PLB1: variants seen among roughly 807,000 people sequenced by gnomAD.
PLB1 encodes the protein phospholipase B1, membrane-associated.
In PLB1, 242 loss-of-function variants were observed where a neutral mutation model predicts 227.4. That is an observed-to-expected ratio of 1.06 (90% CI 0.96 to 1.18). PLB1 has a LOEUF of 1.18. Among genes scored for constraint, PLB1 ranks in the 50% most tolerant of loss-of-function variants. The pLI is 0.00. For synonymous variants in PLB1, 757 were observed against 682.2 expected (o/e 1.11, Z -1.71); for missense variants, 1,858 against 1,816.3 (o/e 1.02, Z -0.42).
chr2:28,545,630 G>A (rs1010695508), intron 14 of PLB1, among the ~76,000 whole-genome samples: 4 of 152,160 alleles, frequency 2.6e-5, no homozygotes, highest in South Asian at 4.1e-4. Context: ...AGCACCCAAG[G>A]GTTTGTGAAA....
In PLB1 at chr2:28,601,937, C is replaced by T. The variant is rs769715224; in HGVS notation, c.2646C>T (p.Arg882=). 1.2e-6 allele frequency: 2 copies of T among 1,611,740 alleles called. No individual in the cohort carries two copies. The highest frequency in any genetic ancestry group is 2.2e-5 in the East Asian group (1 of 44,830). The change falls in exon 38 of 58, where the codon CGC becomes CGT. Residue 882 remains arginine, a synonymous_variant. Transcript: ENST00000327757. ...CAGCCAACTTTGTTCACCATCTCCGCAATGCCTTGGACGTCCTGCATAGAG... is the reference window on the plus strand; with the variant it reads ...CAGCCAACTTTGTTCACCATCTCCGTAATGCCTTGGACGTCCTGCATAGAG... The part of the protein sequence containing the change: ...YSAANFVHHL[R]NALDVLHREV...
At chr2:28,601,463 C>A in intron 37 of PLB1, 131 bp downstream of exon 37, 1 of 653,428 alleles carries the variant, frequency 1.5e-6, no homozygotes, top group Non-Finnish European at 2.7e-6. Context: ...TGCACATATA[C>A]ACATACCACA....
rs765337593 is a variant in PLB1 at position 28,632,043 on chromosome 2, T to C, written c.3905T>C (p.Ile1302Thr). Reference sequence around the variant, plus strand: ...TTCTCTCTCTGTCCCCAGCATGGCATCTCCAGTTTCTCCTACTGGCACCAA... The same window carrying C: ...TTCTCTCTCTGTCCCCAGCATGGCACCTCCAGTTTCTCCTACTGGCACCAA... ...KKVNWNLQHG[I>T]SSFSYWHQYT... The change falls in exon 55 of 58, where the codon ATC (isoleucine) becomes ACC (threonine). Residue 1302 changes from isoleucine to threonine, a missense_variant. Physicochemically the swap from Ile to Thr is moderately conservative, Grantham distance 89. Coordinates refer to ENST00000327757, the MANE Select transcript of PLB1 (RefSeq NM_153021.5). 5 of 1,613,680 alleles carry C rather than the reference T, an allele frequency of 3.1e-6. No individual in the cohort carries two copies. In the South Asian group the frequency reaches 5.5e-5, roughly 18 times the overall value.
At chr2:28,574,756 G>A (rs976917886) in intron 21 of PLB1, among the ~76,000 whole-genome samples, 1 of 152,064 alleles carries the variant, frequency 6.6e-6, no homozygotes, top group South Asian at 2.1e-4. Context: ...TTATAAGTGA[G>A]AACATACAAT....
rs1236281536 is a variant in PLB1, at chr2:28,615,597, C to T, written c.3195+1501C>T. On this transcript the variant is annotated intron_variant, in intron 44 of 57. Transcript: ENST00000327757. Reference sequence around the variant, plus strand: ...CAGCCTCTCTGAATTTTCTCAGGCTCACGTTAGCCCAGTGGAGGCTTGTCC... The same window carrying T: ...CAGCCTCTCTGAATTTTCTCAGGCTTACGTTAGCCCAGTGGAGGCTTGTCC... 8.5e-5 allele frequency among the ~76,000 whole-genome samples: 13 copies of T among 152,348 alleles called. No individual in the cohort carries two copies. The East Asian group carries it at 2.5e-3, about 29-fold the overall frequency.
chr2:28,582,343 C>G lies in PLB1; in HGVS notation c.1633-62C>G, dbSNP rs72863351. ...AAACTTCAGCAGGAGGAGCAGGCCC[C>G]AAACCGAGGTGAAAGGCTGCCCAGC... On this transcript the variant is annotated intron_variant, in intron 24 of 57. Coordinates refer to ENST00000327757, the MANE Select transcript of PLB1 (RefSeq NM_153021.5). 1.0e-3 allele frequency: 1,502 copies of G among 1,469,210 alleles called. 10 individuals are homozygous for G. The African/African-American group carries it at 0.017, about 17-fold the overall frequency. 91.0% of individuals were successfully genotyped at this position (1,469,210 alleles called of 1,614,324 possible).
intron 1 of PLB1, among the ~76,000 whole-genome samples, chr2:28,504,199 T>TCTCTACCA (rs1667400424): frequency 6.6e-6 from 1 of 152,218 alleles, no homozygotes; most frequent in Non-Finnish European, 1.5e-5. Context: ...TCTCTTCACC[T>TCTCTACCA]CTCTACCAAC....
intron 44 of PLB1, 142 bp downstream of exon 44, chr2:28,614,238 G>T: frequency 5.9e-6 from 5 of 843,634 alleles, no homozygotes; most frequent in Non-Finnish European, 7.8e-6. Context: ...TACAGAAAAG[G>T]CTCCCGGACC....
intron 14 of PLB1, chr2:28,548,465 G>A (rs898730308): frequency 1.6e-5 from 7 of 440,872 alleles, no homozygotes; most frequent in Admixed American, 2.7e-5. Flanking sequence ...ATTGCTAGAT[G>A]TTTGGTTGGA....
intron 52 of PLB1, 138 bp downstream of exon 52, chr2:28,628,766 C>A (rs1411586072): frequency 3.6e-6 from 3 of 843,656 alleles, no homozygotes; most frequent in African/African-American, 1.7e-5. Context: ...AGGGAGGTGG[C>A]TGTCAAGCTC....
chr2:28,622,875 A>G lies in PLB1; in HGVS notation c.3527+1897A>G, dbSNP rs545541250. Among the ~76,000 whole-genome samples, 9 of 152,340 alleles carry G rather than the reference A, an allele frequency of 5.9e-5. No homozygotes were observed. The South Asian group carries it at 1.9e-3, about 32-fold the overall frequency. On this transcript the variant is annotated intron_variant, in intron 49 of 57. Coordinates refer to ENST00000327757, the MANE Select transcript of PLB1 (RefSeq NM_153021.5). Reference sequence around the variant, plus strand: ...CACTCCAGCCCGGATAACAAGAATGAATCTCCATCTCCAAAAATAATAATA... The same window carrying G: ...CACTCCAGCCCGGATAACAAGAATGGATCTCCATCTCCAAAAATAATAATA...
At position 28,643,879 on chromosome 2, in the gene PLB1, TAGAG is replaced by T. The variant is rs1246758509; in HGVS notation, c.*823_*826del. 1 of 152,216 alleles carries T rather than the reference TAGAG, an allele frequency of 6.6e-6. No homozygotes were observed. Among genetic ancestry groups the T allele is most frequent in the Non-Finnish European group, 1.5e-5 (1 of 68,026 alleles). 9.4% of individuals were successfully genotyped at this position (152,216 alleles called of 1,614,324 possible). ...TATGCCCAGGTTTCTGAGGGAAAAC[TAGAG>T]AGAGTCTGAAAATATGGGCTGCATT... On this transcript the variant is annotated 3_prime_UTR_variant, in exon 58 of 58. Transcript: ENST00000327757.
chr2:28,511,388 C>T (rs1668241493), intron 1 of PLB1, among the ~76,000 whole-genome samples: 1 of 152,052 alleles, frequency 6.6e-6, no homozygotes, highest in East Asian at 1.9e-4. Context: ...GCAGATTTGA[C>T]TTATGGGTCA....
chr2:28,604,645 G>A lies in PLB1; in HGVS notation c.2857-10G>A. ...GGCCTGGGCTGAAGACCCTGTGCATGTGTCCCCAGAGCAGCATGCGCGAGC... is the reference window on the plus strand; with the variant it reads ...GGCCTGGGCTGAAGACCCTGTGCATATGTCCCCAGAGCAGCATGCGCGAGC... On this transcript the variant is annotated splice_polypyrimidine_tract_variant and intron_variant, in intron 40 of 57. Transcript: ENST00000327757. The A allele has an allele frequency of 6.2e-7, 1 of 1,613,014 alleles. No individual in the cohort carries two copies. The highest frequency in any genetic ancestry group is 8.5e-7 in the Non-Finnish European group (1 of 1,179,172).
Position 28,573,324 on chromosome 2 carries a change from G to T in PLB1, c.1433+19G>T. On this transcript the variant is annotated intron_variant, in intron 21 of 57. Transcript: ENST00000327757. ...GAGCTGAGTAAGCAGGGGTGACCGG[G>T]GCGGTGAACAGCACAGGTCCTCTGA... 6.3e-7 allele frequency: 1 copy of T among 1,579,118 alleles called. No homozygotes were observed. Among genetic ancestry groups the T allele is most frequent in the Non-Finnish European group, 8.7e-7 (1 of 1,149,172 alleles).
Position 28,602,819 on chromosome 2 carries a change from A to G in PLB1, c.2674-2A>G, listed in dbSNP as rs773681569. 6.2e-7 allele frequency: 1 copy of G among 1,613,706 alleles called. No homozygotes were observed. The highest frequency in any genetic ancestry group is 1.1e-5 in the South Asian group (1 of 91,074). On this transcript the variant is annotated splice_acceptor_variant, in intron 38 of 57. Coordinates refer to ENST00000327757, the MANE Select transcript of PLB1 (RefSeq NM_153021.5). LOFTEE classifies it high-confidence loss of function. ...CCCTCTCATCTGCAGCTTTTCCCTTAGGTGCCCAGAGTCCTGGTCAACCTC... is the reference window on the plus strand; with the variant it reads ...CCCTCTCATCTGCAGCTTTTCCCTTGGGTGCCCAGAGTCCTGGTCAACCTC...
At chr2:28,587,181 G>A (rs1358340854) in intron 26 of PLB1, among the ~76,000 whole-genome samples, 3 of 152,290 alleles carry the variant, frequency 2.0e-5, no homozygotes, top group Middle Eastern at 3.4e-3. Flanking sequence ...CTGGGTGCAC[G>A]CAACTAAAGT....
intron 21 of PLB1, among the ~76,000 whole-genome samples, chr2:28,577,833 C>G (rs918556362): frequency 6.6e-6 from 1 of 152,206 alleles, no homozygotes; most frequent in African/African-American, 2.4e-5. Context: ...GAGAAAGACT[C>G]CATCTCAGGG....
intron 25 of PLB1, 43 bp from the exon 26 acceptor site, chr2:28,585,718 T>G: frequency 1.4e-6 from 2 of 1,453,780 alleles, no homozygotes; most frequent in Non-Finnish European, 1.9e-6. Flanking sequence ...TTCAGGATGG[T>G]GATCTTGGTG....
Sources: allele counts gnomAD v4.1 joint callset (sites outside exome capture counted in the v4.1 genomes callset), GRCh38; gene constraint gnomAD v4.1.1; transcripts MANE v1.5; gene names NCBI Gene and HGNC (gene_info 2026-07-23, HGNC 2026-07-21).